C8orf34: variants seen among roughly 807,000 people sequenced by gnomAD.
C8orf34 encodes chromosome 8 open reading frame 34, also known as uncharacterized protein C8orf34.
Under a neutral mutation model 68.3 loss-of-function variants are expected in C8orf34, and 65 were observed. The observed-to-expected ratio is 0.95, with a 90% CI of 0.78 to 1.17. The LOEUF is 1.17. Among genes scored for constraint, C8orf34 ranks in the 50% most tolerant of loss-of-function variants. The pLI is 0.00. For missense variants in C8orf34, 664 were observed against 655.4 expected (o/e 1.01, Z -0.14); for synonymous variants, 244 against 241.2 (o/e 1.01, Z -0.11).
At chr8:68,776,560 T>C in intron 11 of C8orf34, 111 bp downstream of exon 11, 2 of 784,946 alleles carry the variant, frequency 2.5e-6, no homozygotes, top group Non-Finnish European at 2.1e-6. Flanking sequence ...TCTGTATGTG[T>C]TCAATGGTCA....
chr8:68,466,513 GAAATAA>G (rs71554627), intron 3 of C8orf34, among the ~76,000 whole-genome samples: 65,048 of 150,420 alleles, frequency 0.43, 14,420 homozygotes, highest in East Asian at 0.58. Flanking sequence ...TATATTTGTA[GAAATAA>G]AAATAAAAAT....
rs888691551 is a variant in C8orf34 at position 68,639,824 on chromosome 8, G to C, written c.1106-552G>C. ...TCAGGTTTACTGTTTTCCTCCCCAG[G>C]TGAAGGTAGAAAGCAAACATTGAGA... On this transcript the variant is annotated intron_variant, in intron 7 of 13. Coordinates refer to ENST00000518698, the MANE Select transcript of C8orf34 (RefSeq NM_052958.4). 4.6e-5 allele frequency among the ~76,000 whole-genome samples: 7 copies of C among 152,192 alleles called. 1 individual carries two copies. In the South Asian group the frequency reaches 1.0e-3, roughly 23 times the overall value.
chr8:68,414,391 C>T lies in C8orf34; in HGVS notation c.328-25108C>T, dbSNP rs1169746117. Among the ~76,000 whole-genome samples, 3 of 152,168 alleles carry T rather than the reference C, an allele frequency of 2.0e-5. No homozygotes were observed. In the East Asian group the frequency reaches 5.8e-4, roughly 29 times the overall value. ...GATGTATCAAGGGAACCTTTGCTAT[C>T]TGTAGAGTGTACAGCATATTATCAT... On this transcript the variant is annotated intron_variant, in intron 1 of 13. Transcript: ENST00000518698.
At chr8:68,726,573 C>G (rs190122009) in intron 10 of C8orf34, among the ~76,000 whole-genome samples, 1 of 152,222 alleles carries the variant, frequency 6.6e-6, no homozygotes, top group African/African-American at 2.4e-5. Context: ...TATTTTTAAT[C>G]TTGCCAGATG....
chr8:68,449,724 A>T lies in C8orf34; in HGVS notation c.607+3264A>T, dbSNP rs1811267585. 2.0e-5 allele frequency among the ~76,000 whole-genome samples: 3 copies of T among 152,114 alleles called. No individual in the cohort carries two copies. The South Asian group carries it at 6.2e-4, about 31-fold the overall frequency. On this transcript the variant is annotated intron_variant, in intron 3 of 13. Transcript: ENST00000518698. ...TGCCAAAGATTCGAACAATCATCTGAGCTTTCAATGAGTCATAATCATTTT... is the reference window on the plus strand; with the variant it reads ...TGCCAAAGATTCGAACAATCATCTGTGCTTTCAATGAGTCATAATCATTTT...
chr8:68,797,439 A>C (rs140708268), intron 12 of C8orf34, among the ~76,000 whole-genome samples: 129 of 152,232 alleles, frequency 8.5e-4, no homozygotes, highest in African/African-American at 2.8e-3. Flanking sequence ...ACTAGGAGTG[A>C]CACAGTTGAT....
intron 1 of C8orf34, among the ~76,000 whole-genome samples, chr8:68,418,776 A>G (rs1399645634): frequency 6.6e-6 from 1 of 152,154 alleles, no homozygotes; most frequent in East Asian, 1.9e-4. Context: ...CTGGCTAGCC[A>G]TATGTAGAAA....
chr8:68,721,191 AGTTGT>A (rs1336699365), intron 9 of C8orf34, among the ~76,000 whole-genome samples, 165 bp from the exon 10 acceptor site: 1 of 151,970 alleles, frequency 6.6e-6, no homozygotes. Context: ...ATTTTTCACA[AGTTGT>A]TTTTAAGCTA....
chr8:68,651,151 T>G (rs1370396196), intron 8 of C8orf34, among the ~76,000 whole-genome samples: 1 of 152,172 alleles, frequency 6.6e-6, no homozygotes, highest in African/African-American at 2.4e-5. Flanking sequence ...GATGTACAAA[T>G]CTATGTGTTT....
chr8:68,630,816 G>A (rs1563573814), intron 7 of C8orf34, among the ~76,000 whole-genome samples: 1 of 151,748 alleles, frequency 6.6e-6, no homozygotes, highest in Non-Finnish European at 1.5e-5. Context: ...ATCTCACTCT[G>A]TCTCTTAGGC....
chr8:68,816,415 A>G (rs1824821671), intron 13 of C8orf34, among the ~76,000 whole-genome samples: 1 of 152,158 alleles, frequency 6.6e-6, no homozygotes, highest in South Asian at 2.1e-4. Context: ...ATACACAAAG[A>G]TAAAAAATAA....
intron 3 of C8orf34, among the ~76,000 whole-genome samples, chr8:68,463,144 G>C (rs10260246): frequency 0.68 from 102,738 of 151,872 alleles, 35,265 homozygotes; most frequent in African/African-American, 0.8. Context: ...AAACTACCAT[G>C]AGAGAATGCT....
chr8:68,766,196 T>C (rs1017956626), intron 10 of C8orf34, among the ~76,000 whole-genome samples: 6 of 152,234 alleles, frequency 3.9e-5, no homozygotes, highest in Non-Finnish European at 8.8e-5. Context: ...AGACGTAAAG[T>C]CCTTGGTATT....
chr8:68,358,523 C>T (rs1806843749), intron 1 of C8orf34, among the ~76,000 whole-genome samples: 1 of 151,874 alleles, frequency 6.6e-6, no homozygotes, highest in African/African-American at 2.4e-5. Context: ...ACTGACATTT[C>T]CATGTTTATT....
rs537962660 is a variant in C8orf34 at position 68,353,987 on chromosome 8, A to C, written c.327+22648A>C. Among the ~76,000 whole-genome samples, 25 of 152,126 alleles carry C rather than the reference A, an allele frequency of 1.6e-4. No individual in the cohort carries two copies. In the South Asian group the frequency reaches 5.0e-3, roughly 30 times the overall value. On this transcript the variant is annotated intron_variant, in intron 1 of 13. Transcript: ENST00000518698. ...TTCTGCATCTGAGGGACAACTGTAT[A>C]TATCAAAACAAGATGTCTATATGTG...
chr8:68,660,462 T>C (rs775192785), intron 8 of C8orf34, among the ~76,000 whole-genome samples: 1 of 152,180 alleles, frequency 6.6e-6, no homozygotes, highest in Non-Finnish European at 1.5e-5. Context: ...ATTATCCACA[T>C]TTACCCACAC....
At chr8:68,809,977 T>C (rs1281159009) in intron 12 of C8orf34, among the ~76,000 whole-genome samples, 1 of 152,230 alleles carries the variant, frequency 6.6e-6, no homozygotes, top group Non-Finnish European at 1.5e-5. Context: ...TATATTTTAA[T>C]GGAGAGCTAA....
At chr8:68,596,987 T>C (rs1213764289) in intron 7 of C8orf34, among the ~76,000 whole-genome samples, 1 of 152,182 alleles carries the variant, frequency 6.6e-6, no homozygotes, top group Non-Finnish European at 1.5e-5. Flanking sequence ...ACATGCGGTT[T>C]CTTTGAATCA....
intron 8 of C8orf34, among the ~76,000 whole-genome samples, chr8:68,646,661 A>G (rs11984995): frequency 0.069 from 10,438 of 152,056 alleles, 485 homozygotes; most frequent in African/African-American, 0.13. Context: ...CCACCATTCT[A>G]TTCTTTACTT....
Sources: allele counts gnomAD v4.1 joint callset (sites outside exome capture counted in the v4.1 genomes callset), GRCh38; gene constraint gnomAD v4.1.1; transcripts MANE v1.5; gene names NCBI Gene and HGNC (gene_info 2026-07-23, HGNC 2026-07-21).